The following ADAMTS20 variants were observed in gnomAD, a reference collection of about 807,000 sequenced individuals.
The protein encoded by ADAMTS20 is ADAM metallopeptidase with thrombospondin type 1 motif 20.
Under a neutral mutation model 260.1 loss-of-function variants are expected in ADAMTS20, and 225 were observed. The ratio of observed to expected loss-of-function variants is 0.87; its 90% CI spans 0.78 to 0.97. ADAMTS20 has a LOEUF of 0.97. Among genes scored for constraint, ADAMTS20 ranks in the 50% least tolerant of loss-of-function variants. ADAMTS20 has a pLI of 0.00. For synonymous variants in ADAMTS20, 802 were observed against 769.5 expected (o/e 1.04, Z -0.70); for missense variants, 2,400 against 2,337.7 (o/e 1.03, Z -0.55).
At chr12:43,386,853 T>C (rs965576333) in intron 29 of ADAMTS20, among the ~76,000 whole-genome samples, 2 of 152,216 alleles carry the variant, frequency 1.3e-5, no homozygotes, top group African/African-American at 4.8e-5. Flanking sequence ...TTTATGTTCT[T>C]CTCTACACTG....
In ADAMTS20 at chr12:43,532,142, C is replaced by T. The variant is rs371936392; in HGVS notation, c.507G>A (p.Lys169=). 4.3e-6 allele frequency: 7 copies of T among 1,611,874 alleles called. No homozygotes were observed. The highest frequency in any genetic ancestry group is 5.9e-6 in the Non-Finnish European group (7 of 1,178,954). The change falls in exon 3 of 39, where the codon AAG becomes AAA. Residue 169 remains lysine (K), a synonymous_variant. Transcript: ENST00000389420. ...NGEYFLEPIM[K]ADGNEYEDGH... is the part of the protein sequence containing the mutation. ...CATCTTCATATTCATTCCCATCTGC[C>T]TTCATTATAGGTTCTAAGAAATATT...
chr12:43,527,720 C>G (rs1251969478), intron 3 of ADAMTS20, among the ~76,000 whole-genome samples: 2 of 152,118 alleles, frequency 1.3e-5, no homozygotes, highest in Non-Finnish European at 2.9e-5. Flanking sequence ...AACACACTTA[C>G]AGCAAACATC....
intron 31 of ADAMTS20, among the ~76,000 whole-genome samples, chr12:43,380,869 G>A (rs1940334833): frequency 6.6e-6 from 1 of 152,028 alleles, no homozygotes; most frequent in South Asian, 2.1e-4. Context: ...CTCTTACATA[G>A]AACTTGACAA....
chr12:43,492,256 T>G (rs968468060), intron 6 of ADAMTS20, among the ~76,000 whole-genome samples: 86 of 151,888 alleles, frequency 5.7e-4, no homozygotes, highest in Non-Finnish European at 5.2e-4. Flanking sequence ...GGCGGGCGCC[T>G]GTAGTCCCAG....
chr12:43,352,950 G>T (rs972770326), downstream of ADAMTS20, among the ~76,000 whole-genome samples: 9 of 152,070 alleles, frequency 5.9e-5, no homozygotes, highest in Non-Finnish European at 1.5e-5. Context: ...AAACAAAATT[G>T]TATTAGAGCT....
chr12:43,501,199 T>C (rs953267902), intron 4 of ADAMTS20, among the ~76,000 whole-genome samples: 2 of 151,404 alleles, frequency 1.3e-5, no homozygotes, highest in African/African-American at 4.8e-5. Context: ...GCTGGGATTA[T>C]AGGCATTCAC....
At chr12:43,393,252 G>T (rs1940632659) in intron 29 of ADAMTS20, among the ~76,000 whole-genome samples, 1 of 151,916 alleles carries the variant, frequency 6.6e-6, no homozygotes, top group Admixed American at 6.6e-5. Context: ...ACTAATATAA[G>T]CATGTCAAAT....
At chr12:43,468,020 G>A (rs1193379471) in intron 8 of ADAMTS20, among the ~76,000 whole-genome samples, 3 of 152,122 alleles carry the variant, frequency 2.0e-5, no homozygotes, top group East Asian at 1.9e-4. Flanking sequence ...AGGGTATCAT[G>A]AGAAATCACG....
rs980418210 is a variant in ADAMTS20 at position 43,551,753 on chromosome 12, T to A, written c.91+78A>T. On this transcript the variant is annotated intron_variant, in intron 1 of 38. Coordinates refer to ENST00000389420, the MANE Select transcript of ADAMTS20 (RefSeq NM_025003.5). The surrounding 1 kb of genome is among the most constrained non-coding windows in gnomAD (Gnocchi z 4.6). The stretch of plus-strand genomic sequence containing the variant: ...AGCGTTCCCCAACGGGCTGAGCCGC[T>A]CGTCCCCGCGACCTGCATGTCCCAC... 1 of 1,450,784 alleles carries A rather than the reference T, an allele frequency of 6.9e-7. No individual in the cohort carries two copies. Among genetic ancestry groups the A allele is most frequent in the Non-Finnish European group, 9.6e-7 (1 of 1,041,404 alleles). 89.9% of individuals were successfully genotyped at this position (1,450,784 alleles called of 1,614,324 possible).
At chr12:43,536,147 T>C (rs1321332412) in intron 2 of ADAMTS20, among the ~76,000 whole-genome samples, 1 of 152,102 alleles carries the variant, frequency 6.6e-6, no homozygotes, top group Admixed American at 6.6e-5. Context: ...TTATTTAAAG[T>C]AAATTATATC....
At chr12:43,528,347 G>GAAAAAAAAAAAAA (rs1565583137) in intron 3 of ADAMTS20, among the ~76,000 whole-genome samples, 31 of 2,302 alleles carry the variant, frequency 0.013, 3 homozygotes, top group African/African-American at 0.023. Context: ...GCAATCCTAA[G>GAAAAAAAAAAAAA]CAAAAAAAAA....
chr12:43,417,164 C>G (rs1941148322), intron 28 of ADAMTS20, among the ~76,000 whole-genome samples: 1 of 152,094 alleles, frequency 6.6e-6, no homozygotes, highest in Admixed American at 6.6e-5. Flanking sequence ...TGGTAACATG[C>G]AATTCTGGCA....
chr12:43,378,381 G>A (rs1592035868), intron 31 of ADAMTS20, among the ~76,000 whole-genome samples: 1 of 152,300 alleles, frequency 6.6e-6, no homozygotes, highest in Admixed American at 6.5e-5. Flanking sequence ...AGGCTTAGAA[G>A]TTACTTTCTC....
intron 3 of ADAMTS20, among the ~76,000 whole-genome samples, chr12:43,521,408 A>AAATAGATTAC (rs1943070359): frequency 6.6e-6 from 1 of 152,216 alleles, no homozygotes; most frequent in Non-Finnish European, 1.5e-5. Flanking sequence ...AATATTTTCC[A>AAATAGATTAC]AATAGATTAC....
intron 22 of ADAMTS20, among the ~76,000 whole-genome samples, chr12:43,430,680 A>C (rs1032143038): frequency 6.6e-6 from 1 of 152,170 alleles, no homozygotes; most frequent in Non-Finnish European, 1.5e-5. Context: ...AGTTAACCAA[A>C]CTGTACAACA....
At position 43,377,479 on chromosome 12, in the gene ADAMTS20, A is replaced by G. The variant is rs769948253; in HGVS notation, c.4881T>C (p.His1627=). ...EIPSTKKHKL[H]RLRPIVYQEC... Reference sequence around the variant, plus strand: ...CTTGATAAACTATAGGCCGAAGTCGATGGAGCTTATGTTTCTTAGTAGATG... The same window carrying G: ...CTTGATAAACTATAGGCCGAAGTCGGTGGAGCTTATGTTTCTTAGTAGATG... The change falls in exon 32 of 39, where the codon CAT becomes CAC. Residue 1627 remains histidine, a synonymous_variant. Coordinates refer to ENST00000389420, the MANE Select transcript of ADAMTS20 (RefSeq NM_025003.5). 5 of 1,613,782 alleles carry G rather than the reference A, an allele frequency of 3.1e-6. No homozygotes were observed. In the Admixed American group the frequency reaches 5.0e-5, roughly 16 times the overall value.
chr12:43,459,051 C>T (rs1056436741), intron 11 of ADAMTS20, among the ~76,000 whole-genome samples: 5 of 152,218 alleles, frequency 3.3e-5, no homozygotes, highest in Non-Finnish European at 7.3e-5. Context: ...CCTGCAATGG[C>T]TACCCTCTTT....
Position 43,493,232 on chromosome 12 carries a change from G to A in ADAMTS20, c.889C>T (p.Pro297Ser), listed in dbSNP as rs1189114234. 19 of 1,555,780 alleles carry A rather than the reference G, an allele frequency of 1.2e-5. No individual in the cohort carries two copies. Among genetic ancestry groups the A allele is most frequent in the Non-Finnish European group, 1.6e-5 (18 of 1,149,028 alleles). ...ATGTGTATCAAATTTCCAATACTTG[G>A]ATCTTTGTAGATTGTTGCAACCTGC... ...MSIVATIYKDPSIGNLIHIVV... is the reference protein window; with the variant it reads ...MSIVATIYKDSSIGNLIHIVV... Residue 297 changes from proline to serine, a missense_variant, in exon 5 of 39, where the codon CCA becomes TCA. Pro to Ser is a moderately conservative substitution (Grantham distance 74). Coordinates refer to ENST00000389420, the MANE Select transcript of ADAMTS20 (RefSeq NM_025003.5).
rs747431101 is a variant in ADAMTS20, at chr12:43,428,488, A to G, written c.3698T>C (p.Leu1233Ser). 5.6e-6 allele frequency: 9 copies of G among 1,613,898 alleles called. No individual in the cohort carries two copies. The highest frequency in any genetic ancestry group is 7.6e-6 in the Non-Finnish European group (9 of 1,179,836). ...CGHGKTTRQV[L>S]CMNYHQPIDE... ...AATTGGCTGATGGTAGTTCATGCAT[A>G]AAACTTGTCGAGTTGTTTTTCCATG... The change falls in exon 26 of 39, where the codon TTA becomes TCA. Residue 1233 changes from leucine to serine, a missense_variant. Leu to Ser is a moderately radical substitution (Grantham distance 145, BLOSUM62 -2). Coordinates refer to ENST00000389420, the MANE Select transcript of ADAMTS20 (RefSeq NM_025003.5).
Sources: gnomAD v4.1 joint callset for allele counts (sites outside exome capture counted in the v4.1 genomes callset) on GRCh38, gnomAD v4.1.1 for gene constraint, Gnocchi (gnomAD v3.1) non-coding constraint, MANE v1.5 for transcripts, NCBI Gene and HGNC (gene_info 2026-07-23, HGNC 2026-07-21) for gene names.